RIPOR2: variants seen among roughly 807,000 people sequenced by gnomAD.
RIPOR2 encodes the protein RHO family interacting cell polarization regulator 2.
Under a neutral mutation model 114.5 loss-of-function variants are expected in RIPOR2, and 39 were observed. The observed-to-expected ratio is 0.34, with a 90% confidence interval of 0.26 to 0.44. The LOEUF is 0.44. RIPOR2 is among the 20% of genes least tolerant of loss of function. The probability of loss-of-function intolerance (pLI) is 1.00; values close to 1 mark genes in which losing one functional copy is unlikely to be tolerated. For missense variants in RIPOR2, 1,007 were observed against 1,255.1 expected, an observed-to-expected ratio of 0.80 and a Z score of 2.99; for synonymous variants, 445 against 484.4, an observed-to-expected ratio of 0.92 and a Z score of 1.07.
At chr6:24,834,923 C>T (rs1265047743) in intron 15 of RIPOR2, among the ~76,000 whole-genome samples, 2 of 152,168 alleles carry the variant, frequency 1.3e-5, no homozygotes, top group African/African-American at 2.4e-5. Context: ...TGCGCCTGGT[C>T]TGGAACCATT....
At chr6:25,036,684 C>G (rs1328594254) in intron 1 of RIPOR2, among the ~76,000 whole-genome samples, 1 of 152,210 alleles carries the variant, frequency 6.6e-6, no homozygotes, top group Non-Finnish European at 1.5e-5. Flanking sequence ...TAAGCCACCA[C>G]GCTAGGCTAG....
chr6:25,025,776 C>T (rs1776587308), intron 1 of RIPOR2, among the ~76,000 whole-genome samples: 1 of 152,160 alleles, frequency 6.6e-6, no homozygotes, highest in African/African-American at 2.4e-5. Context: ...CTTTAAGGAG[C>T]AATCTTTCCC....
chr6:24,825,371 C>T lies in RIPOR2; in HGVS notation c.2723G>A (p.Ser908Asn). 1 of 1,552,108 alleles carries T rather than the reference C, an allele frequency of 6.4e-7. No individual in the cohort carries two copies. The highest frequency in any genetic ancestry group is 8.7e-7 in the Non-Finnish European group (1 of 1,147,064). The change falls in exon 19 of 22, where the codon AGT (serine) becomes AAT (asparagine). Residue 908 changes from serine to asparagine, a missense_variant. Transcript: ENST00000643898. ...CAGGAGGTTGCTGGGAGCAAGGTCACTCATGGTTTGTAGCAGTTTTTCATC... is the reference window on the plus strand; with the variant it reads ...CAGGAGGTTGCTGGGAGCAAGGTCATTCATGGTTTGTAGCAGTTTTTCATC... ...LRDEKLLQTM[S>N]DLAPSNLLAQ...
intron 1 of RIPOR2, among the ~76,000 whole-genome samples, chr6:24,897,687 T>A (rs1768022330): frequency 6.6e-6 from 1 of 152,196 alleles, no homozygotes; most frequent in Non-Finnish European, 1.5e-5. Context: ...TTTCATGCCA[T>A]CATACCTCTC....
intron 1 of RIPOR2, among the ~76,000 whole-genome samples, chr6:24,878,828 T>C (rs939715996): frequency 1.6e-4 from 25 of 152,340 alleles, no homozygotes; most frequent in African/African-American, 5.3e-4. Context: ...TTAAGACTTC[T>C]GTTAAAATAA....
chr6:25,015,491 C>T (rs1775929959), intron 1 of RIPOR2: 1 of 152,184 alleles, frequency 6.6e-6, no homozygotes, highest in Admixed American at 6.5e-5. Flanking sequence ...TTACGACAGT[C>T]TACACGGCAC....
chr6:24,935,324 A>C (rs1581836748), intron 1 of RIPOR2, among the ~76,000 whole-genome samples: 1 of 100,856 alleles, frequency 9.9e-6, no homozygotes, highest in Non-Finnish European at 2.2e-5. Flanking sequence ...CAACAACAAA[A>C]AAAAAAAAAA....
intron 17 of RIPOR2, 128 bp downstream of exon 17, chr6:24,830,381 A>G: frequency 1.4e-6 from 1 of 689,704 alleles, no homozygotes; most frequent in East Asian, 2.7e-5. Context: ...TTCTTTTTTC[A>G]GGGATGGCCT....
chr6:25,009,638 T>C lies in RIPOR2; in HGVS notation c.76+32213A>G, dbSNP rs546396169. On this transcript the variant is annotated intron_variant, in intron 1 of 13. Transcript: ENST00000510784. Reference sequence around the variant, plus strand: ...TGGCTTGTAAATCAGCGGTTCAGTATGTATGGTGGCCTTTCCCGCAGAAAC... The same window carrying C: ...TGGCTTGTAAATCAGCGGTTCAGTACGTATGGTGGCCTTTCCCGCAGAAAC... Among the ~76,000 whole-genome samples, 12 of 152,320 alleles carry C rather than the reference T, an allele frequency of 7.9e-5. No individual in the cohort carries two copies. In the South Asian group the frequency reaches 1.4e-3, roughly 18 times the overall value.
At chr6:24,826,041 C>T (rs1452220407) in intron 18 of RIPOR2, among the ~76,000 whole-genome samples, 1 of 150,798 alleles carries the variant, frequency 6.6e-6, no homozygotes, top group South Asian at 2.1e-4. Flanking sequence ...ATTCTCCTGC[C>T]TCAGCCTCCC....
intron 1 of RIPOR2, among the ~76,000 whole-genome samples, chr6:25,036,621 G>C (rs1198323958): frequency 6.6e-6 from 1 of 152,032 alleles, no homozygotes; most frequent in Admixed American, 6.6e-5. Context: ...TCTAATTCCT[G>C]GCCTCGAGTG....
At chr6:24,850,864 G>A in intron 9 of RIPOR2, 142 bp from the exon 10 acceptor site, 2 of 949,580 alleles carry the variant, frequency 2.1e-6, no homozygotes, top group East Asian at 4.8e-5. Flanking sequence ...TTACTCTTGG[G>A]TGTGAATGGA....
chr6:25,018,329 T>G (rs1776118698), intron 1 of RIPOR2, among the ~76,000 whole-genome samples: 1 of 152,284 alleles, frequency 6.6e-6, no homozygotes, highest in South Asian at 2.1e-4. Flanking sequence ...TGTTTTAAAT[T>G]TTGACAGAAG....
rs1484550682 is a variant in RIPOR2, at chr6:24,832,236, T to C, written c.2344+20A>G. On this transcript the variant is annotated intron_variant, in intron 16 of 21. Transcript: ENST00000643898. ...GTGTCATCATTTACGTGAATAGCGG[T>C]GTAACTGGCAGATACTTACCTTCCA... The C allele has an allele frequency of 6.4e-7, 1 of 1,550,604 alleles. No homozygotes were observed. The highest frequency in any genetic ancestry group is 8.7e-7 in the Non-Finnish European group (1 of 1,146,220).
At chr6:24,994,234 A>G (rs1014448052) in intron 1 of RIPOR2, among the ~76,000 whole-genome samples, 2 of 152,140 alleles carry the variant, frequency 1.3e-5, no homozygotes, top group African/African-American at 2.4e-5. Context: ...TCAAGCAAAA[A>G]GGTAAAGGGA....
chr6:24,917,931 A>G (rs1770203234), intron 1 of RIPOR2, among the ~76,000 whole-genome samples: 1 of 152,186 alleles, frequency 6.6e-6, no homozygotes, highest in Non-Finnish European at 1.5e-5. Flanking sequence ...ACGTATCTGT[A>G]AAGGTCTTCC....
chr6:24,869,467 G>A (rs950883509), intron 5 of RIPOR2, among the ~76,000 whole-genome samples: 6 of 151,842 alleles, frequency 4.0e-5, no homozygotes, highest in East Asian at 3.9e-4. Flanking sequence ...ACAGGTGCCC[G>A]CCACCATGCC....
At chr6:24,917,675 G>A (rs531268554) in intron 1 of RIPOR2, among the ~76,000 whole-genome samples, 4 of 152,188 alleles carry the variant, frequency 2.6e-5, no homozygotes, top group South Asian at 2.1e-4. Flanking sequence ...GATTACAGGC[G>A]CGTACCACCA....
intron 7 of RIPOR2, among the ~76,000 whole-genome samples, chr6:24,864,524 T>C (rs566993207): frequency 2.4e-4 from 37 of 152,144 alleles, no homozygotes; most frequent in Non-Finnish European, 4.9e-4. Context: ...CTGGGAATTG[T>C]CCAACAGACC....
Sources: allele counts gnomAD v4.1 joint callset (sites outside exome capture counted in the v4.1 genomes callset), GRCh38; gene constraint gnomAD v4.1.1; transcripts MANE v1.5; gene names NCBI Gene and HGNC (gene_info 2026-07-23, HGNC 2026-07-21).